Variants in INAFM2 observed in about 807,000 individuals in gnomAD.
INAFM2 encodes putative transmembrane protein INAFM2.
In INAFM2, 3 loss-of-function variants were observed where a neutral mutation model predicts 5.6. The ratio of observed to expected loss-of-function variants is 0.54; its 90% CI spans 0.24 to 1.39. INAFM2 has a LOEUF of 1.39. Ranked by LOEUF, INAFM2 falls within the 40% of genes most tolerant of loss-of-function variation. The pLI, the probability that INAFM2 is intolerant of heterozygous loss-of-function variation, is 0.16. For missense variants in INAFM2, 186 were observed against 217.5 expected (o/e 0.86, Z 0.91); for synonymous variants, 113 against 109.1 (o/e 1.04, Z -0.22).
Position 40,324,704 on chromosome 15 carries a change from G to T in INAFM2, c.*187G>T. The T allele has an allele frequency of 2.6e-6, 1 of 390,236 alleles. No homozygotes were observed. Among genetic ancestry groups the T allele is most frequent in the Non-Finnish European group, 4.4e-6 (1 of 228,744 alleles). The allele number at this position is 390,236 out of a possible 1,614,324, so 24.2% of individuals were successfully genotyped here. On this transcript the variant is annotated 3_prime_UTR_variant, in exon 1 of 1. Transcript: ENST00000638170. The stretch of plus-strand genomic sequence containing the variant: ...GCCAGATCTTCAGCCAAGGGACCAC[G>T]ATTCGCCGGGGGGCTGGGGGTTTGC...
At position 40,324,090 on chromosome 15, in the gene INAFM2, G is replaced by A. The variant is rs939184454; in HGVS notation, c.35G>A (p.Gly12Asp). 11 of 1,229,564 alleles carry A rather than the reference G, an allele frequency of 8.9e-6. No individual in the cohort carries two copies. Among genetic ancestry groups the A allele is most frequent in the Non-Finnish European group, 1.1e-5 (11 of 986,646 alleles). 76.2% of individuals were successfully genotyped at this position (1,229,564 alleles called of 1,614,324 possible). The change falls in exon 1 of 1, where the codon GGC becomes GAC. Residue 12 changes from glycine to aspartate, a missense_variant. Gly to Asp is a moderately conservative substitution (Grantham distance 94). Coordinates refer to ENST00000638170, the MANE Select transcript of INAFM2 (RefSeq NM_001301268.2). ...KERDAAPAER[G>D]KPATYTGDKK... ...CGCGACGCGGCCCCGGCCGAGCGGG[G>A]CAAGCCGGCCACCTACACCGGGGAC...
Position 40,323,978 on chromosome 15 carries a change from C to T in INAFM2, c.-78C>T. ...GGGAACCGAGGGCGCCGGGCCGCCC[C>T]CTGCCCAGTCCTTGCAGGCCGCCAG... On this transcript the variant is annotated 5_prime_UTR_variant, in exon 1 of 1. Coordinates refer to ENST00000638170, the MANE Select transcript of INAFM2 (RefSeq NM_001301268.2). The surrounding 1 kb of genome is among the most constrained non-coding windows in gnomAD (Gnocchi z 5.6). The T allele has an allele frequency of 3.5e-6, 3 of 867,716 alleles. No homozygotes were observed. The highest frequency in any genetic ancestry group is 3.6e-5 in the East Asian group (1 of 27,890). The allele number at this position is 867,716 out of a possible 1,614,324, so 53.8% of individuals were successfully genotyped here.
At position 40,324,235 on chromosome 15, in the gene INAFM2, C is replaced by T. The variant is rs528292519; in HGVS notation, c.180C>T (p.Ile60=). Residue 60 remains isoleucine (I), a synonymous_variant, in exon 1 of 1, where the codon ATC becomes ATT. Transcript: ENST00000638170. ...AIVLAVYYSL[I]WQPVGAGTSG... ...TGCTCGCCGTCTACTACAGCCTCAT[C>T]TGGCAGCCGGTGGGCGCCGGGACCT... 0.01 allele frequency: 12,893 copies of T among 1,229,676 alleles called. 82 individuals carry two copies. The highest frequency in any genetic ancestry group is 0.012 in the Non-Finnish European group (11,963 of 986,702). 76.2% of individuals were successfully genotyped at this position (1,229,676 alleles called of 1,614,324 possible).
rs1003447197 is a variant in INAFM2 at position 40,323,931 on chromosome 15, G to A, written c.-125G>A. On this transcript the variant is annotated 5_prime_UTR_variant, in exon 1 of 1. Coordinates refer to ENST00000638170, the MANE Select transcript of INAFM2 (RefSeq NM_001301268.2). The surrounding 1 kb of genome is among the most constrained non-coding windows in gnomAD (Gnocchi z 5.6). The stretch of plus-strand genomic sequence containing the variant: ...GCTGCGGGCGGGCGGCGTGAGGAGC[G>A]GCGGCGGAGCGCGGGGCCGCCGGGA... The A allele has an allele frequency of 1.3e-5, 5 of 378,908 alleles. No individual in the cohort carries two copies. Among genetic ancestry groups the A allele is most frequent in the East Asian group, 6.0e-5 (1 of 16,632 alleles). 23.5% of individuals were successfully genotyped at this position (378,908 alleles called of 1,614,324 possible).
chr15:40,323,833 CCGGCGGCGG>C lies in INAFM2; in HGVS notation c.-214_-206del. 2 of 149,456 alleles carry C rather than the reference CCGGCGGCGG, an allele frequency of 1.3e-5. No individual in the cohort carries two copies. Among genetic ancestry groups the C allele is most frequent in the Non-Finnish European group, 2.9e-5 (2 of 68,108 alleles). 9.3% of individuals were successfully genotyped at this position (149,456 alleles called of 1,614,324 possible). ...CGGCGGCGGGGAAGCAGCTGACGGG[CCGGCGGCGG>C]CGGCGGCGCTGGCGGCGGTGACTGG... On this transcript the variant is annotated 5_prime_UTR_variant, in exon 1 of 1. Transcript: ENST00000638170. This position sits in a 1 kb window ranked among gnomAD's most constrained non-coding sequence, Gnocchi z 5.6.
rs1888771613 is a variant in INAFM2 at position 40,325,289 on chromosome 15, A to G, written c.*772A>G. The G allele has an allele frequency of 6.7e-6, 1 of 150,300 alleles. No individual in the cohort carries two copies. Among genetic ancestry groups the G allele is most frequent in the African/African-American group, 2.4e-5 (1 of 41,276 alleles). 9.3% of individuals were successfully genotyped at this position (150,300 alleles called of 1,614,324 possible). ...ACATGGCTGTGGAAAGCCTTAGGAGAAGTAGAAACAATTTAGGGAGGGTGG... is the reference window on the plus strand; with the variant it reads ...ACATGGCTGTGGAAAGCCTTAGGAGGAGTAGAAACAATTTAGGGAGGGTGG... On this transcript the variant is annotated 3_prime_UTR_variant, in exon 1 of 1. Coordinates refer to ENST00000638170, the MANE Select transcript of INAFM2 (RefSeq NM_001301268.2).
chr15:40,323,970 G>C lies in INAFM2; in HGVS notation c.-86G>C. ...GGGCCGCCGGGAACCGAGGGCGCCG[G>C]GCCGCCCCCTGCCCAGTCCTTGCAG... On this transcript the variant is annotated 5_prime_UTR_variant, in exon 1 of 1. Coordinates refer to ENST00000638170, the MANE Select transcript of INAFM2 (RefSeq NM_001301268.2). The surrounding 1 kb of genome is among the most constrained non-coding windows in gnomAD (Gnocchi z 5.6). 1 of 756,306 alleles carries C rather than the reference G, an allele frequency of 1.3e-6. No individual in the cohort carries two copies. The highest frequency in any genetic ancestry group is 1.8e-6 in the Non-Finnish European group (1 of 563,600). The allele number at this position is 756,306 out of a possible 1,614,324, so 46.8% of individuals were successfully genotyped here.
In INAFM2 at chr15:40,324,292, C is replaced by T. The variant is rs939450950; in HGVS notation, c.237C>T (p.Gly79=). 1.1e-4 allele frequency: 132 copies of T among 1,228,678 alleles called. No individual in the cohort carries two copies. The highest frequency in any genetic ancestry group is 1.1e-4 in the Non-Finnish European group (112 of 986,188). The allele number at this position is 1,228,678 out of a possible 1,614,324, so 76.1% of individuals were successfully genotyped here. The change falls in exon 1 of 1, where the codon GGC becomes GGT. Residue 79 remains glycine, a synonymous_variant. Coordinates refer to ENST00000638170, the MANE Select transcript of INAFM2 (RefSeq NM_001301268.2). ...SGGAAGPPPG[G]SNATGPSGTS... is the part of the protein sequence containing the mutation. Reference sequence around the variant, plus strand: ...GAGCCGCTGGCCCGCCCCCCGGCGGCTCCAACGCCACTGGCCCGTCTGGGA... The same window carrying T: ...GAGCCGCTGGCCCGCCCCCCGGCGGTTCCAACGCCACTGGCCCGTCTGGGA...
At position 40,325,793 on chromosome 15, in the gene INAFM2, AC is replaced by A. The variant is rs1158911954; in HGVS notation, c.*1277del. On this transcript the variant is annotated 3_prime_UTR_variant, in exon 1 of 1. Coordinates refer to ENST00000638170, the MANE Select transcript of INAFM2 (RefSeq NM_001301268.2). ...GTCTTTACTTTTCCCGATAAGCCCT[AC>A]TTAAATGCAGCCTGTAATTGTATAA... The A allele has an allele frequency of 6.6e-6, 1 of 152,232 alleles. No homozygotes were observed. Among genetic ancestry groups the A allele is most frequent in the Non-Finnish European group, 1.5e-5 (1 of 68,040 alleles). The allele number at this position is 152,232 out of a possible 1,614,324, so 9.4% of individuals were successfully genotyped here.
rs1346484530 is a variant in INAFM2 at position 40,325,341 on chromosome 15, C to T, written c.*824C>T. Reference sequence around the variant, plus strand: ...GAATGTACTCATCCCCTCTTCTTTCCATCCTAGTGCCCCCACCAAAGAGGC... The same window carrying T: ...GAATGTACTCATCCCCTCTTCTTTCTATCCTAGTGCCCCCACCAAAGAGGC... On this transcript the variant is annotated 3_prime_UTR_variant, in exon 1 of 1. Transcript: ENST00000638170. The T allele has an allele frequency of 6.6e-6, 1 of 152,198 alleles. No homozygotes were observed. Among genetic ancestry groups the T allele is most frequent in the Non-Finnish European group, 1.5e-5 (1 of 68,042 alleles). The allele number at this position is 152,198 out of a possible 1,614,324, so 9.4% of individuals were successfully genotyped here. A position where few individuals can be genotyped will look rare whatever the true frequency, so the allele number is the denominator to read the frequency against.
chr15:40,323,950 G>T lies in INAFM2; in HGVS notation c.-106G>T, dbSNP rs1221223010. 6 of 532,720 alleles carry T rather than the reference G, an allele frequency of 1.1e-5. No individual in the cohort carries two copies. The highest frequency in any genetic ancestry group is 4.9e-5 in the Admixed American group (1 of 20,208). 33.0% of individuals were successfully genotyped at this position (532,720 alleles called of 1,614,324 possible). A position where few individuals can be genotyped will look rare whatever the true frequency, so the allele number is the denominator to read the frequency against. On this transcript the variant is annotated 5_prime_UTR_variant, in exon 1 of 1. Transcript: ENST00000638170. This position sits in a 1 kb window ranked among gnomAD's most constrained non-coding sequence, Gnocchi z 5.6. ...AGGAGCGGCGGCGGAGCGCGGGGCC[G>T]CCGGGAACCGAGGGCGCCGGGCCGC... is the stretch of plus-strand genomic sequence containing the variant.
chr15:40,324,826 T>C lies in INAFM2; in HGVS notation c.*309T>C, dbSNP rs1246811926. On this transcript the variant is annotated 3_prime_UTR_variant, in exon 1 of 1. Transcript: ENST00000638170. ...CCAAACCCTTCTGCGCCGCTCGCTC[T>C]GGTGTATCCTACATGCAGGGGTGAC... 4 of 248,670 alleles carry C rather than the reference T, an allele frequency of 1.6e-5. No homozygotes were observed. The highest frequency in any genetic ancestry group is 2.3e-5 in the Non-Finnish European group (3 of 131,208). The allele number at this position is 248,670 out of a possible 1,614,324, so 15.4% of individuals were successfully genotyped here.
At position 40,324,359 on chromosome 15, in the gene INAFM2, T is replaced by C; in HGVS notation, c.304T>C (p.Ser102Pro). The C allele has an allele frequency of 8.2e-7, 1 of 1,223,490 alleles. No homozygotes were observed. Among genetic ancestry groups the C allele is most frequent in the Non-Finnish European group, 1.0e-6 (1 of 982,754 alleles). The allele number at this position is 1,223,490 out of a possible 1,614,324, so 75.8% of individuals were successfully genotyped here. The change falls in exon 1 of 1, where the codon TCC becomes CCC. Residue 102 changes from serine (S) to proline (P), a missense_variant. This residue lies in a region of INAFM2 where 148 missense variants were observed against 140.2 expected (regional missense o/e 1.06). Transcript: ENST00000638170. ...GGCGGGGCCCAACACCACTGGGTCG[T>C]CCCGCCGCGAGGCGCCGCGCGACGT... ...AAAGPNTTGS[S>P]RREAPRDVPP...
At position 40,323,989 on chromosome 15, in the gene INAFM2, C is replaced by G. The variant is rs1888739406; in HGVS notation, c.-67C>G. 2 of 1,028,796 alleles carry G rather than the reference C, an allele frequency of 1.9e-6. No individual in the cohort carries two copies. Among genetic ancestry groups the G allele is most frequent in the East Asian group, 6.8e-5 (2 of 29,420 alleles). The allele number at this position is 1,028,796 out of a possible 1,614,324, so 63.7% of individuals were successfully genotyped here. On this transcript the variant is annotated 5_prime_UTR_variant, in exon 1 of 1. Coordinates refer to ENST00000638170, the MANE Select transcript of INAFM2 (RefSeq NM_001301268.2). This position sits in a 1 kb window ranked among gnomAD's most constrained non-coding sequence, Gnocchi z 5.6. ...GCGCCGGGCCGCCCCCTGCCCAGTC[C>G]TTGCAGGCCGCCAGGCCCCCTCCAG...
Position 40,324,617 on chromosome 15 carries a change from C to A in INAFM2, c.*100C>A, listed in dbSNP as rs1057206065. 1.2e-6 allele frequency: 1 copy of A among 818,430 alleles called. No homozygotes were observed. Among genetic ancestry groups the A allele is most frequent in the Non-Finnish European group, 1.6e-6 (1 of 615,778 alleles). The allele number at this position is 818,430 out of a possible 1,614,324, so 50.7% of individuals were successfully genotyped here. A position where few individuals can be genotyped will look rare whatever the true frequency, so the allele number is the denominator to read the frequency against. On this transcript the variant is annotated 3_prime_UTR_variant, in exon 1 of 1. Transcript: ENST00000638170. ...GGAGAGCCCGCGGGAGTGACCCCCA[C>A]GAGAGTGAACGCCCCTCACACTCCC...
Position 40,324,020 on chromosome 15 carries a change from G to T in INAFM2, c.-36G>T, listed in dbSNP as rs2141239685. The T allele has an allele frequency of 8.3e-7, 1 of 1,201,894 alleles. No individual in the cohort carries two copies. Among genetic ancestry groups the T allele is most frequent in the East Asian group, 3.2e-5 (1 of 31,144 alleles). The allele number at this position is 1,201,894 out of a possible 1,614,324, so 74.5% of individuals were successfully genotyped here. Reference sequence around the variant, plus strand: ...GGCCGCCAGGCCCCCTCCAGCCGGGGCCGTGGAGCACCGGGGCAAAGGCCG... The same window carrying T: ...GGCCGCCAGGCCCCCTCCAGCCGGGTCCGTGGAGCACCGGGGCAAAGGCCG... On this transcript the variant is annotated 5_prime_UTR_variant, in exon 1 of 1. Coordinates refer to ENST00000638170, the MANE Select transcript of INAFM2 (RefSeq NM_001301268.2).
Position 40,324,377 on chromosome 15 carries a change from C to A in INAFM2, c.322C>A (p.Arg108Ser). The A allele has an allele frequency of 2.5e-6, 3 of 1,221,910 alleles. No individual in the cohort carries two copies. Among genetic ancestry groups the A allele is most frequent in the South Asian group, 8.2e-5 (2 of 24,260 alleles). 75.7% of individuals were successfully genotyped at this position (1,221,910 alleles called of 1,614,324 possible). A position where few individuals can be genotyped will look rare whatever the true frequency, so the allele number is the denominator to read the frequency against. ...TTGSSRREAP[R>S]DVPPLQAARP... ...TGGGTCGTCCCGCCGCGAGGCGCCGCGCGACGTTCCCCCACTGCAGGCGGC... is the reference window on the plus strand; with the variant it reads ...TGGGTCGTCCCGCCGCGAGGCGCCGAGCGACGTTCCCCCACTGCAGGCGGC... The change falls in exon 1 of 1, where the codon CGC becomes AGC. Residue 108 changes from arginine to serine, a missense_variant. By Grantham distance (110) the Arg-to-Ser change is moderately radical. Transcript: ENST00000638170.
chr15:40,324,157 C>G lies in INAFM2; in HGVS notation c.102C>G (p.Val34=). Residue 34 remains valine, a synonymous_variant, in exon 1 of 1, where the codon GTC becomes GTG. Coordinates refer to ENST00000638170, the MANE Select transcript of INAFM2 (RefSeq NM_001301268.2). The stretch of plus-strand genomic sequence containing the variant: ...CGGCCAAGACCAACAAGAAGTGGGT[C>G]CGGCTCGCCACCGTGTTCGCCTACG... ...KMAAKTNKKW[V]RLATVFAYVL... 1 of 1,229,338 alleles carries G rather than the reference C, an allele frequency of 8.1e-7. No homozygotes were observed. Among genetic ancestry groups the G allele is most frequent in the Non-Finnish European group, 1.0e-6 (1 of 986,538 alleles). The allele number at this position is 1,229,338 out of a possible 1,614,324, so 76.2% of individuals were successfully genotyped here. A position where few individuals can be genotyped will look rare whatever the true frequency, so the allele number is the denominator to read the frequency against.
Position 40,324,370 on chromosome 15 carries a change from G to T in INAFM2, c.315G>T (p.Glu105Asp), listed in dbSNP as rs1595707868. The T allele has an allele frequency of 4.1e-6, 5 of 1,222,294 alleles. 1 individual carries two copies. In the South Asian group the frequency reaches 2.1e-4, roughly 50 times the overall value. The allele number at this position is 1,222,294 out of a possible 1,614,324, so 75.7% of individuals were successfully genotyped here. A position where few individuals can be genotyped will look rare whatever the true frequency, so the allele number is the denominator to read the frequency against. Residue 105 changes from glutamate (E) to aspartate (D), a missense_variant, in exon 1 of 1, where the codon GAG (glutamate) becomes GAT (aspartate). Glu to Asp is a conservative substitution (Grantham distance 45, BLOSUM62 2). This residue lies in a region of INAFM2 where 148 missense variants were observed against 140.2 expected (regional missense o/e 1.06). Transcript: ENST00000638170. ...ACACCACTGGGTCGTCCCGCCGCGA[G>T]GCGCCGCGCGACGTTCCCCCACTGC... ...GPNTTGSSRREAPRDVPPLQA... is the reference protein window; with the variant it reads ...GPNTTGSSRRDAPRDVPPLQA...
Sources: allele counts gnomAD v4.1 joint callset, GRCh38; gene constraint gnomAD v4.1.1; regional missense constraint gnomAD v4.1.1; non-coding constraint Gnocchi (gnomAD v3.1); transcripts MANE v1.5; gene names NCBI Gene and HGNC (gene_info 2026-07-23, HGNC 2026-07-21).